HS6ST3: variants seen among roughly 807,000 people sequenced by gnomAD.
The protein encoded by HS6ST3 is heparan-sulfate 6-O-sulfotransferase 3.
HS6ST3 carries 12 observed loss-of-function variants against 36.7 expected under a neutral mutation model. The ratio of observed to expected loss-of-function variants is 0.33; its 90% confidence interval spans 0.21 to 0.53. HS6ST3 has a LOEUF of 0.53. Ranked by LOEUF, HS6ST3 falls within the 20% of genes least tolerant of loss-of-function variation. The pLI is 0.95. For missense variants in HS6ST3, 584 were observed against 640.9 expected, an observed-to-expected ratio of 0.91 and a Z score of 0.96; for synonymous variants, 240 against 257.5, an observed-to-expected ratio of 0.93 and a Z score of 0.65.
chr13:96,667,157 T>C (rs748596052), intron 1 of HS6ST3, among the ~76,000 whole-genome samples: 12 of 152,182 alleles, frequency 7.9e-5, no homozygotes, highest in Non-Finnish European at 1.5e-4. Context: ...TAAATCATAT[T>C]GAATATGAAT....
chr13:96,121,734 C>T (rs576010959), intron 1 of HS6ST3, among the ~76,000 whole-genome samples: 1 of 152,222 alleles, frequency 6.6e-6, no homozygotes, highest in South Asian at 2.1e-4. Context: ...TCCTGGGCTC[C>T]CAGAGTTTTC....
chr13:96,187,216 T>A (rs548893105), intron 1 of HS6ST3, among the ~76,000 whole-genome samples: 1 of 152,344 alleles, frequency 6.6e-6, no homozygotes, highest in East Asian at 1.9e-4. Context: ...TGCATTCTGT[T>A]CACTTTGCAG....
chr13:96,315,591 A>G (rs1202366757), intron 1 of HS6ST3, among the ~76,000 whole-genome samples: 6 of 152,140 alleles, frequency 3.9e-5, no homozygotes, highest in Non-Finnish European at 5.9e-5. Context: ...AAATCTTTAT[A>G]TAATACAGAA....
chr13:96,150,564 C>T (rs16951586), intron 1 of HS6ST3, among the ~76,000 whole-genome samples: 2,156 of 152,076 alleles, frequency 0.014, 29 homozygotes, highest in South Asian at 0.052. Context: ...AGATTTCCAG[C>T]GAAGGTCTAC....
At chr13:96,148,075 A>T (rs2054066772) in intron 1 of HS6ST3, among the ~76,000 whole-genome samples, 1 of 152,212 alleles carries the variant, frequency 6.6e-6, no homozygotes, top group Non-Finnish European at 1.5e-5. Context: ...AATCTTTCTT[A>T]AATGTATGTA....
chr13:96,307,548 T>A (rs1450811223), intron 1 of HS6ST3, among the ~76,000 whole-genome samples: 3 of 152,126 alleles, frequency 2.0e-5, no homozygotes, highest in Non-Finnish European at 4.4e-5. Context: ...CTTCTGAACC[T>A]GTGGTGTTTA....
Position 96,516,532 on chromosome 13 carries a change from G to C in HS6ST3, c.708-315958G>C, listed in dbSNP as rs144839662. Among the ~76,000 whole-genome samples, 174 of 152,148 alleles carry C rather than the reference G, an allele frequency of 1.1e-3. 6 individuals are homozygous for C. In the East Asian group the frequency reaches 0.029, roughly 25 times the overall value. On this transcript the variant is annotated intron_variant, in intron 1 of 1. Transcript: ENST00000376705. ...TTGTCACAAAAAATAGCAAAACATT[G>C]TCCCTTCCTCATATATTTTGTTGAA...
intron 1 of HS6ST3, among the ~76,000 whole-genome samples, chr13:96,107,314 T>C (rs1430908989): frequency 3.3e-5 from 5 of 152,146 alleles, no homozygotes; most frequent in Admixed American, 2.6e-4. Flanking sequence ...ATTCCTTGTA[T>C]GGTCTCTGTA....
intron 1 of HS6ST3, among the ~76,000 whole-genome samples, chr13:96,342,339 G>A (rs2055134985): frequency 6.6e-6 from 1 of 152,060 alleles, no homozygotes; most frequent in Admixed American, 6.5e-5. Flanking sequence ...TCCATGAAGG[G>A]TAAAATACAT....
At chr13:96,328,753 A>T (rs2055047505) in intron 1 of HS6ST3, among the ~76,000 whole-genome samples, 1 of 152,202 alleles carries the variant, frequency 6.6e-6, no homozygotes, top group South Asian at 2.1e-4. Flanking sequence ...TTCAGACGGA[A>T]TGGTACCCGT....
At chr13:96,240,441 G>T (rs1333274976) in intron 1 of HS6ST3, among the ~76,000 whole-genome samples, 1 of 152,136 alleles carries the variant, frequency 6.6e-6, no homozygotes, top group Admixed American at 6.5e-5. Flanking sequence ...ATAATGTATT[G>T]TATATATTTT....
At chr13:96,445,911 G>A (rs1033829555) in intron 1 of HS6ST3, among the ~76,000 whole-genome samples, 6 of 150,678 alleles carry the variant, frequency 4.0e-5, no homozygotes, top group Admixed American at 3.3e-4. Context: ...AGTGCCTCAC[G>A]CCTGTAATCC....
intron 1 of HS6ST3, among the ~76,000 whole-genome samples, chr13:96,323,644 G>A (rs2055015820): frequency 6.6e-6 from 1 of 152,052 alleles, no homozygotes. Flanking sequence ...CTCCTTCCTG[G>A]AGCCCTGGCC....
At chr13:96,611,559 A>G (rs1302063876) in intron 1 of HS6ST3, among the ~76,000 whole-genome samples, 1 of 152,196 alleles carries the variant, frequency 6.6e-6, no homozygotes, top group African/African-American at 2.4e-5. Context: ...ACTATGTAAA[A>G]TAATTAAGTT....
intron 1 of HS6ST3, among the ~76,000 whole-genome samples, chr13:96,488,660 G>A (rs1384156814): frequency 1.3e-5 from 2 of 152,014 alleles, no homozygotes; most frequent in Non-Finnish European, 2.9e-5. Flanking sequence ...GGTAGAACTG[G>A]GCCATGAAAT....
chr13:96,487,613 A>T (rs1210338429), intron 1 of HS6ST3, among the ~76,000 whole-genome samples: 1 of 152,110 alleles, frequency 6.6e-6, no homozygotes, highest in East Asian at 1.9e-4. Context: ...TTCCACATTC[A>T]TGGAGAATAT....
intron 1 of HS6ST3, among the ~76,000 whole-genome samples, chr13:96,172,003 T>G (rs1045224134): frequency 3.1e-4 from 46 of 147,004 alleles, no homozygotes; most frequent in East Asian, 4.0e-4. Context: ...ATGGTTTCTT[T>G]TTGAGCCCTG....
At chr13:96,264,225 A>G (rs762624972) in intron 1 of HS6ST3, among the ~76,000 whole-genome samples, 7 of 152,316 alleles carry the variant, frequency 4.6e-5, no homozygotes, top group Non-Finnish European at 1.0e-4. Flanking sequence ...TGCAGGTATC[A>G]CTATGCCTCC....
chr13:96,333,298 G>T (rs939738653), intron 1 of HS6ST3, among the ~76,000 whole-genome samples: 4 of 152,222 alleles, frequency 2.6e-5, no homozygotes, highest in African/African-American at 9.6e-5. Flanking sequence ...TCTTTGGAAA[G>T]ATTCCATGTC....
Sources: allele counts gnomAD v4.1 joint callset (sites outside exome capture counted in the v4.1 genomes callset), GRCh38; gene constraint gnomAD v4.1.1; transcripts MANE v1.5; gene names NCBI Gene and HGNC (gene_info 2026-07-23, HGNC 2026-07-21).